Variants in CEP192 observed in about 807,000 individuals in gnomAD.
CEP192 encodes centrosomal protein of 192 kDa.
Under a neutral mutation model 271.8 loss-of-function variants are expected in CEP192, and 151 were observed. That is an observed-to-expected ratio of 0.56 (90% confidence interval 0.49 to 0.64). The LOEUF (loss-of-function observed/expected upper bound fraction) is 0.64, where lower values mean the gene tolerates loss of function less well. Ranked by LOEUF, CEP192 falls within the 30% of genes least tolerant of loss-of-function variation. The pLI, the probability that CEP192 is intolerant of heterozygous loss-of-function variation, is 0.00. For missense variants in CEP192, 2,910 were observed against 3,020.5 expected (o/e 0.96, Z 0.86); for synonymous variants, 995 against 1,076.5 (o/e 0.92, Z 1.48).
At position 13,038,444 on chromosome 18, in the gene CEP192, T is replaced by G; in HGVS notation, c.1674T>G (p.Ser558Arg). The G allele has an allele frequency of 1.9e-6, 3 of 1,551,622 alleles. No individual in the cohort carries two copies. ...CCTGGGGAGCTACAATTAATTACAG[T>G]CTGTTGAGGAAATCACGTAGCACAT... ...DTSWGATINY[S>R]LLRKSRSTSD... is the part of the protein sequence containing the mutation. The change falls in exon 13 of 45, where the codon AGT becomes AGG. Residue 558 changes from serine (S) to arginine (R), a missense_variant. Ser to Arg is a moderately radical substitution (Grantham distance 110). Transcript: ENST00000506447.
Position 13,117,661 on chromosome 18 carries a change from C to G in CEP192, c.7475+18C>G. ...TCTTTGAGGTAAGTTTATCGCAGATCACAGTGTTCTCATCAGCGATGCAGG... is the reference window on the plus strand; with the variant it reads ...TCTTTGAGGTAAGTTTATCGCAGATGACAGTGTTCTCATCAGCGATGCAGG... On this transcript the variant is annotated intron_variant, in intron 44 of 44. Transcript: ENST00000506447. 1 of 1,599,934 alleles carries G rather than the reference C, an allele frequency of 6.3e-7. No homozygotes were observed. The highest frequency in any genetic ancestry group is 1.1e-5 in the South Asian group (1 of 90,588).
At chr18:13,072,431 G>C (rs535776935) in intron 28 of CEP192, among the ~76,000 whole-genome samples, 1 of 152,230 alleles carries the variant, frequency 6.6e-6, no homozygotes, top group East Asian at 1.9e-4. Context: ...TTAATGACTC[G>C]ATGAATTTCT....
At chr18:13,061,915 A>G (rs2037429429) in intron 21 of CEP192, among the ~76,000 whole-genome samples, 1 of 152,244 alleles carries the variant, frequency 6.6e-6, no homozygotes, top group Non-Finnish European at 1.5e-5. Flanking sequence ...TGGTGTTATT[A>G]ACCTCCTGCA....
intron 34 of CEP192, among the ~76,000 whole-genome samples, 196 bp from the exon 35 acceptor site, chr18:13,095,307 A>G (rs778352281): frequency 1.3e-5 from 2 of 152,220 alleles, no homozygotes; most frequent in African/African-American, 4.8e-5. Context: ...CAGCCTGTAC[A>G]CATTGTAAAC....
intron 15 of CEP192, among the ~76,000 whole-genome samples, chr18:13,043,607 T>C: frequency 6.6e-6 from 1 of 152,226 alleles, no homozygotes; most frequent in African/African-American, 2.4e-5. Context: ...TATTTCCATG[T>C]GTGCTTTACA....
intron 42 of CEP192, 103 bp downstream of exon 42, chr18:13,114,354 C>T: frequency 8.3e-7 from 1 of 1,208,612 alleles, no homozygotes; most frequent in Non-Finnish European, 1.2e-6. Flanking sequence ...CATGTGTTAC[C>T]AGCACTCCAA....
At chr18:13,052,277 C>G (rs1406916900) in intron 17 of CEP192, among the ~76,000 whole-genome samples, 2 of 152,176 alleles carry the variant, frequency 1.3e-5, no homozygotes, top group African/African-American at 2.4e-5. Context: ...GAACAGCATG[C>G]TTTTGAATGG....
At chr18:13,098,546 G>T (rs547756954) in intron 36 of CEP192, among the ~76,000 whole-genome samples, 1 of 150,616 alleles carries the variant, frequency 6.6e-6, no homozygotes, top group African/African-American at 2.5e-5. Context: ...CAGACTGGGC[G>T]GCGGGGCAGA....
In CEP192 at chr18:13,048,938, G is replaced by T. The variant is rs1284061920; in HGVS notation, c.2147G>T (p.Ser716Ile). The change falls in exon 16 of 45, where the codon AGC becomes ATC. Residue 716 changes from serine (S) to isoleucine (I), a missense_variant. Coordinates refer to ENST00000506447, the MANE Select transcript of CEP192 (RefSeq NM_032142.4). ...PDSGDSMLRI[S>I]TIASAIAEAS... ...AGTGGTGATTCTATGCTTAGGATCA[G>T]CACCATTGCTTCAGCCATTGCAGAG... 2.5e-6 allele frequency: 4 copies of T among 1,613,954 alleles called. No homozygotes were observed. The South Asian group carries it at 4.4e-5, about 18-fold the overall frequency.
intron 36 of CEP192, among the ~76,000 whole-genome samples, chr18:13,097,421 G>GT (rs1180502630): frequency 6.6e-6 from 1 of 152,006 alleles, no homozygotes; most frequent in Non-Finnish European, 1.5e-5. Context: ...ACGGAAACAC[G>GT]TTTTTTTCTT....
chr18:13,066,554 G>A (rs1035354591), intron 21 of CEP192, among the ~76,000 whole-genome samples: 10 of 152,206 alleles, frequency 6.6e-5, no homozygotes, highest in African/African-American at 2.4e-4. Context: ...TTGCAGAAAT[G>A]TTTGAGGTGT....
chr18:13,061,117 G>C (rs1373245450), intron 21 of CEP192, among the ~76,000 whole-genome samples: 1 of 152,184 alleles, frequency 6.6e-6, no homozygotes, highest in Non-Finnish European at 1.5e-5. Flanking sequence ...GAGGTCAGGA[G>C]TTAGCAACCA....
In CEP192 at chr18:13,049,809, G is replaced by C. The variant is rs749661288; in HGVS notation, c.2935G>C (p.Asp979His). 4 of 1,613,690 alleles carry C rather than the reference G, an allele frequency of 2.5e-6. No homozygotes were observed. The South Asian group carries it at 4.4e-5, about 18-fold the overall frequency. The part of the protein sequence containing the change: ...SPEHGGRGSE[D>H]EQESFRPSTS... ...TGAGCATGGTGGACGTGGCTCAGAGGATGAGCAGGAGAGCTTCAGACCTTC... is the reference window on the plus strand; with the variant it reads ...TGAGCATGGTGGACGTGGCTCAGAGCATGAGCAGGAGAGCTTCAGACCTTC... Residue 979 changes from aspartate (D) to histidine (H), a missense_variant, in exon 17 of 45, where the codon GAT (aspartate) becomes CAT (histidine). Coordinates refer to ENST00000506447, the MANE Select transcript of CEP192 (RefSeq NM_032142.4).
intron 18 of CEP192, among the ~76,000 whole-genome samples, chr18:13,054,409 T>A (rs969662222): frequency 1.3e-5 from 2 of 152,216 alleles, no homozygotes; most frequent in Non-Finnish European, 2.9e-5. Context: ...TGCTGCATAG[T>A]CTTCCTCCAC....
Position 13,049,311 on chromosome 18 carries a change from C to A in CEP192, c.2520C>A (p.Asn840Lys). The change falls in exon 16 of 45, where the codon AAC (asparagine) becomes AAA (lysine). Residue 840 changes from asparagine to lysine, a missense_variant. Transcript: ENST00000506447. ...TSVSVRAPEE[N>K]TAAIVYVENG... is the part of the protein sequence containing the mutation. ...TAAGTGTGAGGGCACCAGAAGAAAACACAGCAGCTATTGTTTATGTTGAAA... is the reference window on the plus strand; with the variant it reads ...TAAGTGTGAGGGCACCAGAAGAAAAAACAGCAGCTATTGTTTATGTTGAAA... 1 of 1,614,078 alleles carries A rather than the reference C, an allele frequency of 6.2e-7. No individual in the cohort carries two copies. Among genetic ancestry groups the A allele is most frequent in the Non-Finnish European group, 8.5e-7 (1 of 1,179,996 alleles).
chr18:13,105,490 A>G (rs1365595668), intron 40 of CEP192, among the ~76,000 whole-genome samples: 1 of 152,196 alleles, frequency 6.6e-6, no homozygotes, highest in Non-Finnish European at 1.5e-5. Flanking sequence ...TCATTTCTAT[A>G]CCTGACATAT....
chr18:13,080,569 C>T (rs934048323), intron 30 of CEP192, among the ~76,000 whole-genome samples: 7 of 152,204 alleles, frequency 4.6e-5, no homozygotes, highest in Non-Finnish European at 7.3e-5. Flanking sequence ...GATATACAAT[C>T]ATGTCATCTG....
intron 1 of CEP192, among the ~76,000 whole-genome samples, chr18:12,998,789 C>A (rs149416492): frequency 6.0e-4 from 92 of 152,246 alleles, no homozygotes; most frequent in African/African-American, 2.2e-3. Flanking sequence ...TTGAGACTAG[C>A]TAACATCTTC....
intron 34 of CEP192, among the ~76,000 whole-genome samples, chr18:13,092,960 C>T (rs1378800078): frequency 6.6e-6 from 1 of 152,088 alleles, no homozygotes; most frequent in Non-Finnish European, 1.5e-5. Context: ...CGAGATCATC[C>T]TGGCTAACAC....
Sources: allele counts gnomAD v4.1 joint callset (sites outside exome capture counted in the v4.1 genomes callset), GRCh38; gene constraint gnomAD v4.1.1; transcripts MANE v1.5; gene names NCBI Gene and HGNC (gene_info 2026-07-23, HGNC 2026-07-21).